PIK3AP1: variants seen among roughly 807,000 people sequenced by gnomAD.
The protein encoded by PIK3AP1 is phosphoinositide 3-kinase adapter protein 1.
In PIK3AP1, 21 loss-of-function variants were observed where a neutral mutation model predicts 88.1. The ratio of observed to expected loss-of-function variants is 0.24; its 90% CI spans 0.17 to 0.34. The LOEUF is 0.34. Among genes scored for constraint, PIK3AP1 ranks in the 10% least tolerant of loss-of-function variants. The pLI is 1.00. For missense variants in PIK3AP1, 828 were observed against 1,035.7 expected (o/e 0.80, Z 2.75); for synonymous variants, 398 against 400.0 (o/e 1.00, Z 0.06).
At chr10:96,623,586 T>C (rs1843116689) in intron 10 of PIK3AP1, 49 bp from the exon 11 acceptor site, 1 of 1,445,392 alleles carries the variant, frequency 6.9e-7, no homozygotes, top group Non-Finnish European at 9.7e-7. Flanking sequence ...CAAAATCCAG[T>C]ACAAAATAAT....
In PIK3AP1 at chr10:96,609,752, T is replaced by C. The variant is rs1589484634; in HGVS notation, c.2130A>G (p.Arg710=). The C allele has an allele frequency of 6.2e-7, 1 of 1,614,112 alleles. No homozygotes were observed. Among genetic ancestry groups the C allele is most frequent in the Non-Finnish European group, 8.5e-7 (1 of 1,179,990 alleles). ...KSVIPPRTEL[R]RGDWKTDSTS... Reference sequence around the variant, plus strand: ...TGCTGTCTGTTTTCCAGTCTCCTCGTCTCAGCTCCGTCCTAGGGGGAATGA... The same window carrying C: ...TGCTGTCTGTTTTCCAGTCTCCTCGCCTCAGCTCCGTCCTAGGGGGAATGA... Residue 710 remains arginine, a synonymous_variant, in exon 14 of 17, where the codon AGA becomes AGG. Transcript: ENST00000339364.
In PIK3AP1 at chr10:96,651,118, C is replaced by T. The variant is rs190937483; in HGVS notation, c.988+130G>A. 7.9e-4 allele frequency: 963 copies of T among 1,222,042 alleles called. 14 individuals are homozygous for T. The South Asian group carries it at 9.6e-3, about 12-fold the overall frequency. 75.7% of individuals were successfully genotyped at this position (1,222,042 alleles called of 1,614,324 possible). A position where few individuals can be genotyped will look rare whatever the true frequency, so the allele number is the denominator to read the frequency against. ...ACCAGTCAAGAATGAGTCCTTATCA[C>T]AGGATAGGTTATAGAGAAGGGACCC... On this transcript the variant is annotated intron_variant, in intron 6 of 16. Coordinates refer to ENST00000339364, the MANE Select transcript of PIK3AP1 (RefSeq NM_152309.3).
intron 2 of PIK3AP1, among the ~76,000 whole-genome samples, chr10:96,658,014 G>T (rs1843638354): frequency 7.0e-6 from 1 of 142,514 alleles, no homozygotes; most frequent in Non-Finnish European, 1.5e-5. Context: ...AGTGAGCCAA[G>T]ATTGCACCAC....
intron 2 of PIK3AP1, among the ~76,000 whole-genome samples, chr10:96,706,151 C>T (rs1018106417): frequency 6.6e-6 from 1 of 152,134 alleles, no homozygotes; most frequent in African/African-American, 2.4e-5. Flanking sequence ...CCTCGGCCTC[C>T]CAAAGGGCTG....
At chr10:96,648,390 T>C (rs1843489375) in intron 7 of PIK3AP1, among the ~76,000 whole-genome samples, 1 of 152,216 alleles carries the variant, frequency 6.6e-6, no homozygotes. Flanking sequence ...ACTCAAACTA[T>C]GATTATCTTC....
chr10:96,687,966 T>A (rs747324480), intron 2 of PIK3AP1, among the ~76,000 whole-genome samples: 7 of 152,162 alleles, frequency 4.6e-5, no homozygotes, highest in African/African-American at 7.2e-5. Flanking sequence ...GGTGACTTAT[T>A]CACAGAGCTG....
At chr10:96,649,929 G>T (rs1042071538) in intron 6 of PIK3AP1, among the ~76,000 whole-genome samples, 1 of 152,220 alleles carries the variant, frequency 6.6e-6, no homozygotes, top group Non-Finnish European at 1.5e-5. Context: ...TTGCGGAGCT[G>T]GGGACAAATC....
rs183695329 is a variant in PIK3AP1 at position 96,718,204 on chromosome 10, A to G, written c.13+2178T>C. Among the ~76,000 whole-genome samples, 18 of 152,378 alleles carry G rather than the reference A, an allele frequency of 1.2e-4. No homozygotes were observed. In the East Asian group the frequency reaches 3.3e-3, roughly 28 times the overall value. ...AAGGTTTCTTTCTGAGGTGATGAAA[A>G]TGTCCCAAAATTGACTGTGGTGATG... On this transcript the variant is annotated intron_variant, in intron 1 of 16. Coordinates refer to ENST00000339364, the MANE Select transcript of PIK3AP1 (RefSeq NM_152309.3).
chr10:96,652,776 ACT>A lies in PIK3AP1; in HGVS notation c.632_633del (p.Glu211ValfsTer4). Reference protein sequence around the residue: ...KLDDRVATEAEFSPEDSPSVR... With the variant: ...KLDDRVATEAXFSPEDSPSVR... ...ACAGAGGGAGAATCCTCAGGAGAAA[ACT>A]CTGCTTCTGTCGCCACCCTGTCATC... On this transcript the variant is annotated frameshift_variant, in exon 4 of 17. Transcript: ENST00000339364. LOFTEE classifies it high-confidence loss of function. 1 of 1,613,960 alleles carries A rather than the reference ACT, an allele frequency of 6.2e-7. No individual in the cohort carries two copies. Among genetic ancestry groups the A allele is most frequent in the Non-Finnish European group, 8.5e-7 (1 of 1,179,942 alleles).
At chr10:96,686,173 T>C (rs1262831460) in intron 2 of PIK3AP1, among the ~76,000 whole-genome samples, 1 of 152,236 alleles carries the variant, frequency 6.6e-6, no homozygotes, top group Admixed American at 6.5e-5. Context: ...AGATAATGAC[T>C]ATCACCCTAA....
chr10:96,677,188 G>C (rs1843934786), intron 2 of PIK3AP1, among the ~76,000 whole-genome samples: 1 of 152,182 alleles, frequency 6.6e-6, no homozygotes, highest in Admixed American at 6.6e-5. Context: ...CACCGATTCA[G>C]CCATCTTCTG....
At chr10:96,708,899 G>A (rs1284435234) in intron 2 of PIK3AP1, among the ~76,000 whole-genome samples, 1 of 152,168 alleles carries the variant, frequency 6.6e-6, no homozygotes, top group Non-Finnish European at 1.5e-5. Context: ...GGGAGGCTGA[G>A]GCGGGTGGAT....
chr10:96,605,836 T>C (rs1848992872), intron 14 of PIK3AP1, among the ~76,000 whole-genome samples: 1 of 152,124 alleles, frequency 6.6e-6, no homozygotes, highest in South Asian at 2.1e-4. Flanking sequence ...CTGTAATCCC[T>C]ACACTTTGGG....
chr10:96,720,229 G>T lies in PIK3AP1; in HGVS notation c.13+153C>A, dbSNP rs1844553655. Among the ~76,000 whole-genome samples the T allele has an allele frequency of 6.6e-6, 1 of 152,232 alleles. No homozygotes were observed. The highest frequency in any genetic ancestry group is 1.5e-5 in the Non-Finnish European group (1 of 68,040). ...AAACGTGGGAAAGTTGGAGTGGGAA[G>T]TTTGCGACAGGGAACATAGAAAAGA... On this transcript the variant is annotated intron_variant, in intron 1 of 16. Coordinates refer to ENST00000339364, the MANE Select transcript of PIK3AP1 (RefSeq NM_152309.3). The surrounding 1 kb of genome is among the most constrained non-coding windows in gnomAD (Gnocchi z 4.6).
intron 8 of PIK3AP1, among the ~76,000 whole-genome samples, chr10:96,641,059 A>T (rs1298373005): frequency 1.3e-5 from 2 of 151,692 alleles, no homozygotes; most frequent in African/African-American, 4.9e-5. Flanking sequence ...GTGGCAGCAT[A>T]TCTAAACTAA....
intron 8 of PIK3AP1, chr10:96,632,898 T>C: frequency 6.2e-7 from 1 of 1,612,448 alleles, no homozygotes; most frequent in South Asian, 1.1e-5. Context: ...AAGATGACCC[T>C]GGGACATGCT....
Sources: gnomAD v4.1 joint callset for allele counts (sites outside exome capture counted in the v4.1 genomes callset) on GRCh38, gnomAD v4.1.1 for gene constraint, Gnocchi (gnomAD v3.1) non-coding constraint, MANE v1.5 for transcripts, NCBI Gene and HGNC (gene_info 2026-07-23, HGNC 2026-07-21) for gene names.